Variants in EEF1E1 observed in about 807,000 individuals in gnomAD.
EEF1E1 encodes eukaryotic translation elongation factor 1 epsilon 1, also known as eukaryotic translation elongation factor 1 epsilon-1.
EEF1E1 carries 19 observed loss-of-function variants against 19.9 expected under a neutral mutation model. The ratio of observed to expected loss-of-function variants is 0.95; its 90% CI spans 0.66 to 1.40. EEF1E1 has a LOEUF of 1.40. Among genes scored for constraint, EEF1E1 ranks in the 40% most tolerant of loss-of-function variants. EEF1E1 has a pLI of 0.00. For synonymous variants in EEF1E1, 81 were observed against 80.0 expected, an observed-to-expected ratio of 1.01 and a Z score of -0.07; for missense variants, 198 against 202.2, an observed-to-expected ratio of 0.98 and a Z score of 0.13.
Position 8,074,340 on chromosome 6 carries a change from T to C in EEF1E1, c.385-830A>G, listed in dbSNP as rs116674465. Among the ~76,000 whole-genome samples, 276 of 152,280 alleles carry C rather than the reference T, an allele frequency of 1.8e-3. 3 individuals carry two copies. Among genetic ancestry groups the C allele is most frequent in the African/African-American group, 6.4e-3 (265 of 41,550 alleles). On this transcript the variant is annotated intron_variant, in intron 3 of 3. Coordinates refer to the EEF1E1 transcript ENST00000429723. ...TACGTGTAATTTACACTTATACTTT[T>C]CTCAGTCAGCTCAAAAGGAATGTAC...
chr6:8,089,391 A>G (rs1757954596), intron 3 of EEF1E1, among the ~76,000 whole-genome samples: 1 of 152,196 alleles, frequency 6.6e-6, no homozygotes, highest in Non-Finnish European at 1.5e-5. Flanking sequence ...ACACAATCAC[A>G]AGGTCCCACA....
rs576823741 is a variant in EEF1E1, at chr6:8,079,797, G to C, written c.*93C>G. 71 of 1,399,356 alleles carry C rather than the reference G, an allele frequency of 5.1e-5. No individual in the cohort carries two copies. The African/African-American group carries it at 9.5e-4, about 19-fold the overall frequency. 86.7% of individuals were successfully genotyped at this position (1,399,356 alleles called of 1,614,324 possible). ...CTATCAACTTCAACAAATAATGAAT[G>C]ACTGTATATTAATTTACATTAGTCC... is the stretch of plus-strand genomic sequence containing the variant. On this transcript the variant is annotated 3_prime_UTR_variant, in exon 4 of 4. Transcript: ENST00000379715.
intron 3 of EEF1E1, among the ~76,000 whole-genome samples, chr6:8,089,124 G>C (rs1025735007): frequency 1.3e-5 from 2 of 152,140 alleles, no homozygotes; most frequent in East Asian, 3.9e-4. Flanking sequence ...ACAGGGAAAG[G>C]GTGGTGACTG....
intron 3 of EEF1E1, among the ~76,000 whole-genome samples, chr6:8,088,167 G>A (rs1757915646): frequency 6.6e-6 from 1 of 152,174 alleles, no homozygotes; most frequent in Non-Finnish European, 1.5e-5. Flanking sequence ...ATGAAGAACA[G>A]TGCCAAGAAC....
Position 8,090,254 on chromosome 6 carries a change from C to CT in EEF1E1, c.315dup (p.Val106SerfsTer7). ...GTAAAGTTATACCCTGTAAGGTAGA[C>CT]TTTATCTTCAAGATATGAATTAAGA... On this transcript the variant is annotated frameshift_variant, in exon 3 of 4. Transcript: ENST00000379715. LOFTEE classifies it high-confidence loss of function. 1.3e-6 allele frequency: 2 copies of CT among 1,488,508 alleles called. No homozygotes were observed. Among genetic ancestry groups the CT allele is most frequent in the South Asian group, 3.0e-5 (2 of 66,942 alleles). 92.2% of individuals were successfully genotyped at this position (1,488,508 alleles called of 1,614,324 possible).
rs185875414 is a variant in EEF1E1, at chr6:8,073,516, A to G, written c.385-6T>C. ...GTGTGCCTCAGCTTCCTTATCTGCA[A>G]AAGGGGATAAAAAAGGAGTTAATTC... On this transcript the variant is annotated splice_region_variant and splice_polypyrimidine_tract_variant and intron_variant, in intron 3 of 3. Coordinates refer to the EEF1E1 transcript ENST00000429723. The G allele has an allele frequency of 4.4e-4, 690 of 1,551,592 alleles. 3 individuals are homozygous for G. Among genetic ancestry groups the G allele is most frequent in the South Asian group, 7.0e-4 (59 of 84,064 alleles).
At chr6:8,101,929 ATGTT>A in intron 1 of EEF1E1, 1 of 1,234,484 alleles carries the variant, frequency 8.1e-7, no homozygotes, top group Non-Finnish European at 1.1e-6. Context: ...AATGGTTGCA[ATGTT>A]TGTCCACCTG....
downstream of EEF1E1, chr6:8,078,467 A>G (rs1757651315): frequency 4.1e-6 from 1 of 245,296 alleles, no homozygotes; most frequent in African/African-American, 2.3e-5. Context: ...CAGAGAGAGT[A>G]ATGAAAAAAA....
chr6:8,091,579 T>C (rs1044482154), intron 2 of EEF1E1, among the ~76,000 whole-genome samples: 3 of 152,204 alleles, frequency 2.0e-5, no homozygotes, highest in African/African-American at 7.2e-5. Flanking sequence ...GTTAGAGGTA[T>C]TTTCTGGCAG....
At position 8,079,985 on chromosome 6, in the gene EEF1E1, G is replaced by A. The variant is rs1303274828; in HGVS notation, c.430C>T (p.Arg144Cys). Reference sequence around the variant, plus strand: ...TAATGCTGAATGTGACAAAACCAGCGAGACACATTAAGATATTTCTCCTTT... The same window carrying A: ...TAATGCTGAATGTGACAAAACCAGCAAGACACATTAAGATATTTCTCCTTT... ...QEKEKYLNVS[R>C]WFCHIQHYPG... The change falls in exon 4 of 4, where the codon CGC (arginine) becomes TGC (cysteine). Residue 144 changes from arginine (R) to cysteine (C), a missense_variant. Transcript: ENST00000379715. 29 of 1,613,436 alleles carry A rather than the reference G, an allele frequency of 1.8e-5. No homozygotes were observed. The highest frequency in any genetic ancestry group is 3.3e-5 in the South Asian group (3 of 91,062).
At chr6:8,085,513 G>A (rs1348012371) in intron 3 of EEF1E1, among the ~76,000 whole-genome samples, 2 of 152,168 alleles carry the variant, frequency 1.3e-5, no homozygotes, top group African/African-American at 4.8e-5. Context: ...AAAGCCAAGA[G>A]GGGATGAACA....
Position 8,095,565 on chromosome 6 carries a change from GTT to G in EEF1E1, c.288+1700_288+1701del, listed in dbSNP as rs34723432. ...AGGTTACCATGCCCAGTAGGTGCCT[GTT>G]TTTTTTTTTTTTTAATACATGCACA... On this transcript the variant is annotated intron_variant, in intron 2 of 3. Transcript: ENST00000379715. The G allele has an allele frequency of 1.3e-3, 196 of 148,496 alleles. 1 individual carries two copies. The highest frequency in any genetic ancestry group is 8.6e-3 in the South Asian group (62 of 7,226). 9.2% of individuals were successfully genotyped at this position (148,496 alleles called of 1,614,324 possible). A position where few individuals can be genotyped will look rare whatever the true frequency, so the allele number is the denominator to read the frequency against.
chr6:8,101,225 C>CAAAAAAAAAAAA lies in EEF1E1; in HGVS notation c.87+1198_87+1209dup, dbSNP rs778878465. On this transcript the variant is annotated intron_variant, in intron 1 of 3. Coordinates refer to ENST00000379715, the MANE Select transcript of EEF1E1 (RefSeq NM_004280.5). Reference sequence around the variant, plus strand: ...TGGGCGACACAGTGAGACTTTGTCTCAAAAAAAAAAAAAAAAAAATATATA... The same window carrying CAAAAAAAAAAAA: ...TGGGCGACACAGTGAGACTTTGTCTCAAAAAAAAAAAAAAAAAAAAAAAAAAAAAAATATATA... Among the ~76,000 whole-genome samples the CAAAAAAAAAAAA allele has an allele frequency of 1.6e-3, 5 of 3,114 alleles. 2 individuals carry two copies. The highest frequency in any genetic ancestry group is 5.4e-3 in the African/African-American group (3 of 556). 2.0% of individuals were successfully genotyped at this position (3,114 alleles called of 152,430 possible). A position where few individuals can be genotyped will look rare whatever the true frequency, so the allele number is the denominator to read the frequency against.
intron 1 of EEF1E1, chr6:8,101,926 G>T: frequency 8.1e-7 from 1 of 1,234,082 alleles, no homozygotes; most frequent in Non-Finnish European, 1.1e-6. Flanking sequence ...TTAAATGGTT[G>T]CAATGTTTGT....
intron 1 of EEF1E1, among the ~76,000 whole-genome samples, chr6:8,098,222 C>T (rs572108021): frequency 4.6e-5 from 7 of 152,038 alleles, no homozygotes; most frequent in South Asian, 2.1e-4. Flanking sequence ...CGGGTTCAAC[C>T]GATTCTCCCA....
chr6:8,101,243 AAT>A (rs1216617377), intron 1 of EEF1E1, among the ~76,000 whole-genome samples: 116 of 58,440 alleles, frequency 2.0e-3, no homozygotes, highest in East Asian at 4.8e-3. Flanking sequence ...AAAAAAAAAA[AAT>A]ATATATATAT....
chr6:8,091,501 T>C (rs1758009835), intron 2 of EEF1E1, among the ~76,000 whole-genome samples: 1 of 152,226 alleles, frequency 6.6e-6, no homozygotes, highest in Admixed American at 6.5e-5. Flanking sequence ...TTTCACTCTG[T>C]TGTCTCCTTT....
In EEF1E1 at chr6:8,093,363, T is replaced by C. The variant is rs75181836; in HGVS notation, c.289-3082A>G. On this transcript the variant is annotated intron_variant, in intron 2 of 3. Transcript: ENST00000379715. ...TTTTTTACAATTCTTTCTGATGCCA[T>C]TGTCAAACTGTTAAATACTTCCCCT... 7.6e-3 allele frequency among the ~76,000 whole-genome samples: 1,128 copies of C among 149,322 alleles called. 13 individuals carry two copies. Among genetic ancestry groups the C allele is most frequent in the African/African-American group, 0.026 (1,053 of 40,756 alleles).
chr6:8,084,323 T>C (rs1260312938), intron 3 of EEF1E1, among the ~76,000 whole-genome samples: 1 of 152,220 alleles, frequency 6.6e-6, no homozygotes, highest in African/African-American at 2.4e-5. Context: ...AGACTCGTAA[T>C]TAAATAACTT....
Sources: allele counts gnomAD v4.1 joint callset (sites outside exome capture counted in the v4.1 genomes callset), GRCh38; gene constraint gnomAD v4.1.1; transcripts MANE v1.5; gene names NCBI Gene and HGNC (gene_info 2026-07-23, HGNC 2026-07-21).